Variants in CLIC5 observed in about 807,000 individuals in gnomAD.
CLIC5 encodes CLIC family member 5.
In CLIC5, 20 loss-of-function variants were observed where a neutral mutation model predicts 24.7. The ratio of observed to expected loss-of-function variants is 0.81; its 90% CI spans 0.57 to 1.18. The LOEUF is 1.18. CLIC5 is among the 50% of genes most tolerant of loss of function. CLIC5 has a pLI of 0.00. For missense variants in CLIC5, 341 were observed against 326.1 expected (o/e 1.05, Z -0.35); for synonymous variants, 159 against 135.6 (o/e 1.17, Z -1.20).
At position 45,914,286 on chromosome 6, in the gene CLIC5, TC is replaced by T; in HGVS notation, c.529del (p.Asp177MetfsTer5). ...EDKGSRRKFL[D>X]GDELTLADCN... Reference sequence around the variant, plus strand: ...GTCAGCCAGGGTCAGCTCATCCCCATCCAGGAACTTGCGCCGGGACCCCTTG... The same window carrying T: ...GTCAGCCAGGGTCAGCTCATCCCCATCAGGAACTTGCGCCGGGACCCCTTG... On this transcript the variant is annotated frameshift_variant, in exon 5 of 6. Transcript: ENST00000339561. LOFTEE classifies it high-confidence loss of function. 1 of 1,610,612 alleles carries T rather than the reference TC, an allele frequency of 6.2e-7. No individual in the cohort carries two copies. The highest frequency in any genetic ancestry group is 8.5e-7 in the Non-Finnish European group (1 of 1,177,634).
In CLIC5 at chr6:45,972,854, C is replaced by G. The variant is rs1765246626; in HGVS notation, c.64-17610G>C. Among the ~76,000 whole-genome samples, 4 of 152,226 alleles carry G rather than the reference C, an allele frequency of 2.6e-5. No homozygotes were observed. The South Asian group carries it at 8.3e-4, about 32-fold the overall frequency. ...ATTTAAAAAGTGCATCTTTGCACAT[C>G]CAGATTTCACATAATTCTTGGTTAG... On this transcript the variant is annotated intron_variant, in intron 1 of 5. Coordinates refer to ENST00000339561, the MANE Select transcript of CLIC5 (RefSeq NM_016929.5).
chr6:45,930,847 A>G (rs1763709794), intron 4 of CLIC5, among the ~76,000 whole-genome samples: 2 of 152,200 alleles, frequency 1.3e-5, no homozygotes. Context: ...AGAGGGTGCT[A>G]TTACAATCTC....
At chr6:46,028,872 T>C (rs1214546816) in intron 1 of CLIC5, among the ~76,000 whole-genome samples, 2 of 152,178 alleles carry the variant, frequency 1.3e-5, no homozygotes, top group African/African-American at 2.4e-5. Flanking sequence ...ATACATTCCA[T>C]AGTTTTGGAC....
chr6:46,066,420 C>G (rs1762445041), intron 1 of CLIC5, among the ~76,000 whole-genome samples: 1 of 152,156 alleles, frequency 6.6e-6, no homozygotes, highest in Non-Finnish European at 1.5e-5. Context: ...AGACCCCACT[C>G]TACCCTAAAG....
At chr6:45,988,326 C>T (rs192298143) in intron 1 of CLIC5, among the ~76,000 whole-genome samples, 1 of 152,186 alleles carries the variant, frequency 6.6e-6, no homozygotes, top group Non-Finnish European at 1.5e-5. Context: ...ACCTTCTTAG[C>T]CTGCTGGGGT....
At chr6:46,054,184 C>T (rs1223877599) in intron 1 of CLIC5, among the ~76,000 whole-genome samples, 1 of 152,102 alleles carries the variant, frequency 6.6e-6, no homozygotes, top group Non-Finnish European at 1.5e-5. Flanking sequence ...TTCAGGAAAG[C>T]AACCTGAAAG....
Position 46,073,363 on chromosome 6 carries a change from T to C in CLIC5, c.540+6340A>G, listed in dbSNP as rs905470214. 3.3e-5 allele frequency among the ~76,000 whole-genome samples: 5 copies of C among 152,174 alleles called. No individual in the cohort carries two copies. The South Asian group carries it at 6.2e-4, about 19-fold the overall frequency. Reference sequence around the variant, plus strand: ...TAGCTGGATACACAGATAGATAATATATAAATCAGCATCACACCAGCTAGC... The same window carrying C: ...TAGCTGGATACACAGATAGATAATACATAAATCAGCATCACACCAGCTAGC... On this transcript the variant is annotated intron_variant, in intron 1 of 5. Coordinates refer to the CLIC5 transcript ENST00000185206.
chr6:46,086,582 C>T, the CLIC5 span, among the ~76,000 whole-genome samples: 2 of 152,108 alleles, frequency 1.3e-5, no homozygotes, highest in Non-Finnish European at 2.9e-5. Context: ...GCCTTGAATG[C>T]TAAGATCAGA....
At chr6:45,960,435 G>C (rs548991245) in intron 1 of CLIC5, among the ~76,000 whole-genome samples, 5 of 152,306 alleles carry the variant, frequency 3.3e-5, no homozygotes, top group Admixed American at 2.6e-4. Context: ...ACAAAGTTAG[G>C]CTTTCTCACC....
intron 1 of CLIC5, among the ~76,000 whole-genome samples, chr6:46,010,962 T>G (rs1413565271): frequency 6.6e-6 from 1 of 152,136 alleles, no homozygotes. Flanking sequence ...CTCAGGGACA[T>G]AGAGGCGACA....
chr6:45,986,220 C>A (rs1765730947), intron 1 of CLIC5, among the ~76,000 whole-genome samples: 1 of 152,152 alleles, frequency 6.6e-6, no homozygotes, highest in Admixed American at 6.5e-5. Context: ...CCTGATCATG[C>A]CCTGAGATCC....
In CLIC5 at chr6:45,968,474, G is replaced by T. The variant is rs9357498; in HGVS notation, c.64-13230C>A. On this transcript the variant is annotated intron_variant, in intron 1 of 5. Coordinates refer to ENST00000339561, the MANE Select transcript of CLIC5 (RefSeq NM_016929.5). Reference sequence around the variant, plus strand: ...TGGGGGTCCTGAAACCAGACATGTAGGTTTTTATCTATTATCTCCTATGTG... The same window carrying T: ...TGGGGGTCCTGAAACCAGACATGTATGTTTTTATCTATTATCTCCTATGTG... Among the ~76,000 whole-genome samples the T allele has an allele frequency of 2.0e-5, 3 of 152,148 alleles. No homozygotes were observed. The East Asian group carries it at 5.8e-4, about 29-fold the overall frequency.
intron 1 of CLIC5, among the ~76,000 whole-genome samples, chr6:45,974,564 G>A (rs1438088785): frequency 8.3e-6 from 1 of 119,912 alleles, no homozygotes; most frequent in Non-Finnish European, 1.8e-5. Context: ...GAGAGAGAGA[G>A]AAAGAGAGAG....
intron 1 of CLIC5, among the ~76,000 whole-genome samples, chr6:46,037,588 G>GC (rs1767696841): frequency 2.0e-5 from 3 of 152,092 alleles, no homozygotes; most frequent in Non-Finnish European, 4.4e-5. Flanking sequence ...GAATTATTTG[G>GC]GTATGAAGTA....
chr6:46,009,095 C>T (rs1273466534), intron 1 of CLIC5, among the ~76,000 whole-genome samples: 4 of 151,962 alleles, frequency 2.6e-5, no homozygotes, highest in African/African-American at 9.7e-5. Flanking sequence ...TGCAGTGACT[C>T]TTTCATGCCC....
At chr6:45,976,616 A>G (rs993303332) in intron 1 of CLIC5, among the ~76,000 whole-genome samples, 1 of 152,238 alleles carries the variant, frequency 6.6e-6, no homozygotes, top group Non-Finnish European at 1.5e-5. Flanking sequence ...GCCCATGCAC[A>G]GACAGACTTT....
intron 1 of CLIC5, among the ~76,000 whole-genome samples, chr6:46,072,624 C>G (rs1457225746): frequency 6.6e-6 from 1 of 152,120 alleles, no homozygotes; most frequent in Non-Finnish European, 1.5e-5. Context: ...AGTATCACAT[C>G]ACTTTCATTT....
At chr6:45,920,608 G>C (rs1276517352) in intron 4 of CLIC5, 2 of 829,570 alleles carry the variant, frequency 2.4e-6, no homozygotes. Flanking sequence ...ATGGTAACGT[G>C]ATGGAAACAA....
intron 1 of CLIC5, among the ~76,000 whole-genome samples, chr6:46,070,889 T>G (rs1052855889): frequency 6.6e-6 from 1 of 152,010 alleles, no homozygotes; most frequent in African/African-American, 2.4e-5. Flanking sequence ...CATTCACCAA[T>G]GGAACAGAAT....
Sources: gnomAD v4.1 joint callset for allele counts (sites outside exome capture counted in the v4.1 genomes callset) on GRCh38, gnomAD v4.1.1 for gene constraint, MANE v1.5 for transcripts, NCBI Gene and HGNC (gene_info 2026-07-23, HGNC 2026-07-21) for gene names.